LPO: variants seen among roughly 807,000 people sequenced by gnomAD.
LPO encodes the protein lactoperoxidase, also known as salivary peroxidase.
A neutral mutation model predicts 68.4 loss-of-function variants in LPO; 70 were observed. The ratio of observed to expected loss-of-function variants is 1.02; its 90% CI spans 0.84 to 1.25. LPO has a LOEUF of 1.25. LPO is among the 50% of genes most tolerant of loss of function. The pLI is 0.00. For missense variants in LPO, 873 were observed against 908.4 expected, an observed-to-expected ratio of 0.96 and a Z score of 0.50; for synonymous variants, 360 against 357.6, an observed-to-expected ratio of 1.01 and a Z score of -0.08.
chr17:58,249,872 G>C (rs765375584), intron 6 of LPO, among the ~76,000 whole-genome samples, 177 bp downstream of exon 6: 1 of 152,186 alleles, frequency 6.6e-6, no homozygotes, highest in Non-Finnish European at 1.5e-5. Flanking sequence ...CCCGGAGCCC[G>C]GCCACGTGGC....
intron 9 of LPO, among the ~76,000 whole-genome samples, chr17:58,258,712 G>A (rs145499050): frequency 6.6e-6 from 1 of 152,348 alleles, no homozygotes; most frequent in African/African-American, 2.4e-5. Flanking sequence ...ATGTATGCAT[G>A]ATCCAATTTC....
intron 5 of LPO, 52 bp downstream of exon 5, chr17:58,249,229 C>T (rs754481508): frequency 6.6e-7 from 1 of 1,506,934 alleles, no homozygotes; most frequent in Admixed American, 1.7e-5. Context: ...TCCGCCCCGC[C>T]CTGCCAAGGC....
At position 58,249,181 on chromosome 17, in the gene LPO, G is replaced by C. The variant is rs377084236; in HGVS notation, c.443+4G>C. On this transcript the variant is annotated splice_donor_region_variant and intron_variant, in intron 5 of 12. Transcript: ENST00000262290. ...TTACGGGAGACTGCAATAACAGGTG[G>C]CGGGGCTTGGGGTGTGGGGGCCGAC... The C allele has an allele frequency of 5.4e-5, 87 of 1,613,086 alleles. No homozygotes were observed. The African/African-American group carries it at 1.1e-3, about 21-fold the overall frequency.
Position 58,268,120 on chromosome 17 carries a change from C to T in LPO, c.*126C>T, listed in dbSNP as rs34853811. 689 of 968,996 alleles carry T rather than the reference C, an allele frequency of 7.1e-4. 5 individuals are homozygous for T. In the African/African-American group the frequency reaches 1.0e-2, roughly 14 times the overall value. The allele number at this position is 968,996 out of a possible 1,614,324, so 60.0% of individuals were successfully genotyped here. A position where few individuals can be genotyped will look rare whatever the true frequency, so the allele number is the denominator to read the frequency against. ...TTCTTTGCAGCTGGGCCTCTCTATA[C>T]CCCTGGATGAACAGCTTGCTCAGGC... On this transcript the variant is annotated 3_prime_UTR_variant, in exon 13 of 13. Coordinates refer to ENST00000262290, the MANE Select transcript of LPO (RefSeq NM_006151.3).
At chr17:58,248,830 G>A (rs754836506) in intron 4 of LPO, among the ~76,000 whole-genome samples, 11 of 152,084 alleles carry the variant, frequency 7.2e-5, no homozygotes, top group Non-Finnish European at 1.3e-4. Context: ...TGTGGCCTTG[G>A]GCAAGTCTCT....
At chr17:58,242,483 C>G (rs1014586805) in intron 1 of LPO, among the ~76,000 whole-genome samples, 8 of 152,178 alleles carry the variant, frequency 5.3e-5, no homozygotes, top group African/African-American at 1.9e-4. Flanking sequence ...AACTGGCTTG[C>G]AGGGAGCAAT....
chr17:58,241,711 CT>C (rs1424424545), intron 1 of LPO, among the ~76,000 whole-genome samples: 1 of 152,090 alleles, frequency 6.6e-6, no homozygotes, highest in African/African-American at 2.4e-5. Context: ...TGCCTTGCCC[CT>C]TCTCTAGAGT....
intron 8 of LPO, among the ~76,000 whole-genome samples, chr17:58,253,846 C>T (rs1479804009): frequency 3.9e-5 from 6 of 152,092 alleles, no homozygotes; most frequent in Non-Finnish European, 7.4e-5. Context: ...TGCAGTGGCT[C>T]ATGCCTGTAA....
chr17:58,240,911 G>T (rs1969743001), intron 1 of LPO, among the ~76,000 whole-genome samples: 2 of 152,168 alleles, frequency 1.3e-5, no homozygotes, highest in South Asian at 4.2e-4. Context: ...TCAGTGATAT[G>T]GTGGTTGCCA....
chr17:58,258,598 T>C (rs1009490807), intron 9 of LPO, among the ~76,000 whole-genome samples: 1 of 152,214 alleles, frequency 6.6e-6, no homozygotes, highest in Non-Finnish European at 1.5e-5. Context: ...TTGTTCTTTT[T>C]GCTTAGGATA....
chr17:58,256,333 A>G (rs1238421257), intron 9 of LPO, among the ~76,000 whole-genome samples: 1 of 152,166 alleles, frequency 6.6e-6, no homozygotes, highest in Non-Finnish European at 1.5e-5. Flanking sequence ...CTGCATGAAA[A>G]GAAATGTTTA....
At chr17:58,239,876 C>T (rs562554234) in intron 1 of LPO, among the ~76,000 whole-genome samples, 1 of 152,178 alleles carries the variant, frequency 6.6e-6, no homozygotes, top group East Asian at 1.9e-4. Context: ...TGCCGAGGGA[C>T]TATCTCTGCC....
At chr17:58,247,770 TA>T in intron 4 of LPO, 132 bp downstream of exon 4, 1 of 997,004 alleles carries the variant, frequency 1.0e-6, no homozygotes, top group Admixed American at 2.8e-5. Context: ...TCTCCCTTCT[TA>T]GACCCGTAGA....
At position 58,266,290 on chromosome 17, in the gene LPO, A is replaced by G. The variant is rs1274987484; in HGVS notation, c.1657A>G (p.Ile553Val). The change falls in exon 11 of 13, where the codon ATC becomes GTC. Residue 553 changes from isoleucine (I) to valine (V), a missense_variant. Coordinates refer to ENST00000262290, the MANE Select transcript of LPO (RefSeq NM_006151.3). The part of the protein sequence containing the change: ...HRIHGFDLAA[I>V]NTQRCRDHGQ... ...GATCCATGGCTTTGACCTGGCTGCC[A>G]TCAACACACAGCGTTGCCGGGACCA... 8 of 1,614,040 alleles carry G rather than the reference A, an allele frequency of 5.0e-6. No individual in the cohort carries two copies. The highest frequency in any genetic ancestry group is 4.0e-5 in the African/African-American group (3 of 74,918).
rs113484079 is a variant in LPO, at chr17:58,247,418, C to G, written c.165-60C>G. The G allele has an allele frequency of 1.1e-5, 17 of 1,522,610 alleles. No homozygotes were observed. The African/African-American group carries it at 1.8e-4, about 16-fold the overall frequency. The allele number at this position is 1,522,610 out of a possible 1,614,324, so 94.3% of individuals were successfully genotyped here. ...ACACACACCCCTCCCACCCCTCCAGCGGCCCCCAGCCCCCTTCCTACAGGG... is the reference window on the plus strand; with the variant it reads ...ACACACACCCCTCCCACCCCTCCAGGGGCCCCCAGCCCCCTTCCTACAGGG... On this transcript the variant is annotated intron_variant, in intron 3 of 12. Coordinates refer to ENST00000262290, the MANE Select transcript of LPO (RefSeq NM_006151.3).
rs201153168 is a variant in LPO, at chr17:58,267,545, C to T, written c.1890C>T (p.Cys630=). The T allele has an allele frequency of 6.2e-6, 10 of 1,613,368 alleles. No individual in the cohort carries two copies. The African/African-American group carries it at 1.3e-4, about 22-fold the overall frequency. The change falls in exon 12 of 13, where the codon TGC becomes TGT. Residue 630 remains cysteine, a synonymous_variant. Coordinates refer to ENST00000262290, the MANE Select transcript of LPO (RefSeq NM_006151.3). Reference sequence around the variant, plus strand: ...GTCGGGTGGGGCCTCTCCTGGCCTGCCTCTTGGGCAAGCAGTTCCAGCAGA... The same window carrying T: ...GTCGGGTGGGGCCTCTCCTGGCCTGTCTCTTGGGCAAGCAGTTCCAGCAGA... ...ERGRVGPLLA[C]LLGKQFQQIR... is the part of the protein sequence containing the mutation.
intron 9 of LPO, among the ~76,000 whole-genome samples, chr17:58,258,706 A>G (rs1328272246): frequency 6.6e-6 from 1 of 152,238 alleles, no homozygotes; most frequent in African/African-American, 2.4e-5. Flanking sequence ...TCAGCAATGT[A>G]TGCATGATCC....
rs1397654260 is a variant in LPO at position 58,250,454 on chromosome 17, G to C, written c.613G>C (p.Glu205Gln). Residue 205 changes from glutamate to glutamine, a missense_variant, in exon 7 of 13, where the codon GAG (glutamate) becomes CAG (glutamine). By Grantham distance (29) the Glu-to-Gln change is conservative. Transcript: ENST00000262290. ...VSNKIVGYLN[E>Q]EGVLDQNRSL... is the part of the protein sequence containing the mutation. ...TAACAAGATTGTTGGCTATCTGAATGAGGAGGGTGTTCTGGACCAAAACAG... is the reference window on the plus strand; with the variant it reads ...TAACAAGATTGTTGGCTATCTGAATCAGGAGGGTGTTCTGGACCAAAACAG... 3 of 1,614,192 alleles carry C rather than the reference G, an allele frequency of 1.9e-6. No individual in the cohort carries two copies. The highest frequency in any genetic ancestry group is 2.2e-5 in the South Asian group (2 of 91,084).
At chr17:58,262,654 A>C (rs1024593587) in intron 9 of LPO, among the ~76,000 whole-genome samples, 4 of 152,146 alleles carry the variant, frequency 2.6e-5, no homozygotes, top group Non-Finnish European at 4.4e-5. Context: ...CAGCCTCCCA[A>C]AGTGCTGGGA....
Sources: allele counts gnomAD v4.1 joint callset (sites outside exome capture counted in the v4.1 genomes callset), GRCh38; gene constraint gnomAD v4.1.1; transcripts MANE v1.5; gene names NCBI Gene and HGNC (gene_info 2026-07-23, HGNC 2026-07-21).